Variants in DCLK1 observed in about 807,000 individuals in gnomAD.
DCLK1 encodes serine/threonine-protein kinase DCLK1.
A neutral mutation model predicts 86.2 loss-of-function variants in DCLK1; 16 were observed. The observed-to-expected ratio is 0.19, with a 90% CI of 0.13 to 0.28. DCLK1 has a LOEUF of 0.28. Among genes scored for constraint, DCLK1 ranks in the 10% least tolerant of loss-of-function variants. DCLK1 has a pLI of 1.00. For synonymous variants in DCLK1, 369 were observed against 370.5 expected (o/e 1.00, Z 0.05); for missense variants, 590 against 940.2 (o/e 0.63, Z 4.87).
intron 11 of DCLK1, among the ~76,000 whole-genome samples, chr13:35,821,646 G>C (rs1345105921): frequency 7.0e-6 from 1 of 143,348 alleles, no homozygotes; most frequent in Non-Finnish European, 1.5e-5. Context: ...TAGCATCTTT[G>C]GGAAAAGATA....
chr13:35,998,430 C>T (rs1395630514), intron 3 of DCLK1, among the ~76,000 whole-genome samples: 3 of 152,118 alleles, frequency 2.0e-5, no homozygotes, highest in African/African-American at 4.8e-5. Flanking sequence ...AGAGGCACCT[C>T]ACAGCCATAC....
At chr13:35,799,030 G>A (rs2086866627) in intron 15 of DCLK1, among the ~76,000 whole-genome samples, 1 of 152,188 alleles carries the variant, frequency 6.6e-6, no homozygotes. Flanking sequence ...AGAAAGTCTT[G>A]AATTGGCTAA....
chr13:36,100,202 AAAAAAAAAAAAC>A (rs1237852457), intron 3 of DCLK1, among the ~76,000 whole-genome samples: 2,172 of 131,340 alleles, frequency 0.017, 132 homozygotes, highest in African/African-American at 0.056. Context: ...AAAAAAAAAA[AAAAAAAAAAAAC>A]CACACACACA....
At chr13:35,849,589 T>A (rs974293271) in intron 6 of DCLK1, 2 of 977,748 alleles carry the variant, frequency 2.0e-6, no homozygotes, top group African/African-American at 1.8e-5. Context: ...ATTTTATGTT[T>A]AAGCAAAGAC....
At chr13:36,103,217 A>G (rs546732548) in intron 3 of DCLK1, among the ~76,000 whole-genome samples, 2 of 152,006 alleles carry the variant, frequency 1.3e-5, no homozygotes, top group African/African-American at 2.4e-5. Context: ...CCTGGCCAAC[A>G]TGGTGAAACC....
intron 3 of DCLK1, among the ~76,000 whole-genome samples, chr13:36,057,912 G>A (rs1883395978): frequency 6.6e-6 from 1 of 152,164 alleles, no homozygotes; most frequent in African/African-American, 2.4e-5. Flanking sequence ...CACAGAATGT[G>A]AGGATGCATA....
intron 4 of DCLK1, among the ~76,000 whole-genome samples, chr13:35,894,093 C>T (rs1280398497): frequency 6.6e-6 from 1 of 151,970 alleles, no homozygotes; most frequent in South Asian, 2.1e-4. Flanking sequence ...GGTCCCATCG[C>T]TAAGATATCT....
At chr13:35,800,850 G>T (rs924874234) in intron 15 of DCLK1, among the ~76,000 whole-genome samples, 28 of 150,952 alleles carry the variant, frequency 1.9e-4, no homozygotes, top group African/African-American at 6.1e-4. Context: ...CCCAGTAGCT[G>T]GGATTACAGG....
chr13:35,801,896 T>C (rs1262822565), intron 15 of DCLK1, among the ~76,000 whole-genome samples: 1 of 152,170 alleles, frequency 6.6e-6, no homozygotes, highest in African/African-American at 2.4e-5. Context: ...CTCATGTATA[T>C]AAACAAATTT....
chr13:35,808,360 A>T (rs753170738), intron 13 of DCLK1, 40 bp from the exon 14 acceptor site: 4 of 1,523,096 alleles, frequency 2.6e-6, no homozygotes, highest in Non-Finnish European at 3.6e-6. Flanking sequence ...CAGCACTAAG[A>T]TATCAACTCA....
At chr13:35,878,436 C>T (rs530375459) in intron 4 of DCLK1, among the ~76,000 whole-genome samples, 1 of 152,114 alleles carries the variant, frequency 6.6e-6, no homozygotes, top group Non-Finnish European at 1.5e-5. Context: ...TGCTGCTTCC[C>T]CAAGCTCCAC....
intron 3 of DCLK1, among the ~76,000 whole-genome samples, chr13:36,005,018 C>T (rs1310176726): frequency 6.6e-6 from 1 of 152,130 alleles, no homozygotes; most frequent in Non-Finnish European, 1.5e-5. Flanking sequence ...TGAAATTTTA[C>T]ATCATTAGCA....
chr13:35,852,414 C>T (rs1870719660), intron 6 of DCLK1, among the ~76,000 whole-genome samples: 1 of 152,178 alleles, frequency 6.6e-6, no homozygotes, highest in Non-Finnish European at 1.5e-5. Context: ...AATTCAAAAG[C>T]TTGGAAATGG....
At chr13:35,819,056 T>G (rs899030477) in intron 11 of DCLK1, among the ~76,000 whole-genome samples, 19 of 152,104 alleles carry the variant, frequency 1.2e-4, no homozygotes, top group Non-Finnish European at 1.0e-4. Context: ...GTATCACTCA[T>G]TCACTCACTC....
chr13:36,100,179 C>CAAA lies in DCLK1; in HGVS notation c.723+11687_723+11689dup, dbSNP rs58824322. On this transcript the variant is annotated intron_variant, in intron 3 of 16. Transcript: ENST00000360631. The stretch of plus-strand genomic sequence containing the variant: ...ACAACAGGGCAAAACCCTGTCTCTA[C>CAAA]AAAAAAAAAAAAAAAAAAAAAAAAA... Among the ~76,000 whole-genome samples the CAAA allele has an allele frequency of 2.5e-3, 96 of 37,694 alleles. 6 individuals carry two copies. The highest frequency in any genetic ancestry group is 9.5e-3 in the East Asian group (6 of 630). 24.7% of individuals were successfully genotyped at this position (37,694 alleles called of 152,430 possible).
intron 3 of DCLK1, among the ~76,000 whole-genome samples, chr13:36,026,288 C>A (rs1038376987): frequency 1.3e-5 from 2 of 152,042 alleles, no homozygotes; most frequent in African/African-American, 2.4e-5. Context: ...GAAAGATGGC[C>A]ATGCAAAAAT....
intron 3 of DCLK1, among the ~76,000 whole-genome samples, chr13:36,097,721 T>A (rs572916295): frequency 6.6e-6 from 1 of 152,250 alleles, no homozygotes; most frequent in East Asian, 1.9e-4. Flanking sequence ...TTTAACAGGG[T>A]AGTATATTAA....
chr13:35,812,173 G>C (rs1249001663), intron 11 of DCLK1, among the ~76,000 whole-genome samples: 1 of 152,188 alleles, frequency 6.6e-6, no homozygotes, highest in African/African-American at 2.4e-5. Context: ...AAATGGAGCT[G>C]CTCTAAAAAG....
intron 9 of DCLK1, 84 bp from the exon 10 acceptor site, chr13:35,827,838 G>C: frequency 1.3e-6 from 2 of 1,507,032 alleles, no homozygotes; most frequent in Non-Finnish European, 1.8e-6. Context: ...TACTATGTAA[G>C]GGTCAAGAGA....
Sources: gnomAD v4.1 joint callset for allele counts (sites outside exome capture counted in the v4.1 genomes callset) on GRCh38, gnomAD v4.1.1 for gene constraint, MANE v1.5 for transcripts, NCBI Gene and HGNC (gene_info 2026-07-23, HGNC 2026-07-21) for gene names.